The following COPS3 variants were observed in gnomAD, a reference collection of about 807,000 sequenced individuals.
The protein encoded by COPS3 is COP9 signalosome complex subunit 3.
In COPS3, 10 loss-of-function variants were observed where a neutral mutation model predicts 58.2. The ratio of observed to expected loss-of-function variants is 0.17; its 90% CI spans 0.11 to 0.29. The LOEUF (loss-of-function observed/expected upper bound fraction) is 0.29, where lower values mean the gene tolerates loss of function less well. COPS3 is among the 10% of genes least tolerant of loss of function. The pLI is 1.00. For missense variants in COPS3, 333 were observed against 510.1 expected (o/e 0.65, Z 3.34); for synonymous variants, 187 against 181.7 (o/e 1.03, Z -0.24).
intron 2 of COPS3, among the ~76,000 whole-genome samples, chr17:17,275,638 A>G (rs1011014796): frequency 1.3e-5 from 2 of 152,232 alleles, no homozygotes; most frequent in African/African-American, 4.8e-5. Context: ...CAAAAAATAA[A>G]TAAATAAATA....
At chr17:17,279,254 T>C (rs1389008817) in intron 1 of COPS3, among the ~76,000 whole-genome samples, 3 of 152,200 alleles carry the variant, frequency 2.0e-5, no homozygotes, top group Admixed American at 2.0e-4. Context: ...TATCTCTGTC[T>C]AGCAGACTGT....
chr17:17,281,116 C>T lies in COPS3; in HGVS notation c.55+16G>A, dbSNP rs759718484. The T allele has an allele frequency of 1.2e-6, 2 of 1,605,008 alleles. No homozygotes were observed. Among genetic ancestry groups the T allele is most frequent in the South Asian group, 1.1e-5 (1 of 89,418 alleles). ...CGGTACCCGCCCATGCCCAGCCCGG[C>T]GGCCTAGGGCGTTACCTTGAGCTGA... On this transcript the variant is annotated intron_variant, in intron 1 of 11. Transcript: ENST00000268717.
chr17:17,280,679 A>C, intron 1 of COPS3: 1 of 1,304,582 alleles, frequency 7.7e-7, no homozygotes, highest in Non-Finnish European at 1.0e-6. Flanking sequence ...CCATAGAGCC[A>C]AGACACCCAG....
rs911895706 is a variant in COPS3 at position 17,278,129 on chromosome 17, C to T, written c.56-1965G>A. On this transcript the variant is annotated intron_variant, in intron 1 of 11. Transcript: ENST00000268717. ...TTGCGCCACTGTACTCCAGCCTGGG[C>T]AACAGAGCAAGACTCCGTTTCGGGG... 4.5e-4 allele frequency among the ~76,000 whole-genome samples: 69 copies of T among 151,876 alleles called. 2 individuals carry two copies. The highest frequency in any genetic ancestry group is 2.9e-5 in the Non-Finnish European group (2 of 67,996).
At chr17:17,247,458 G>C in intron 11 of COPS3, 22 bp downstream of exon 11, 1 of 1,610,552 alleles carries the variant, frequency 6.2e-7, no homozygotes, top group South Asian at 1.1e-5. Context: ...CCTACTTCTT[G>C]TAATAAGGGA....
intron 2 of COPS3, among the ~76,000 whole-genome samples, chr17:17,275,611 T>C (rs1490094225): frequency 6.6e-6 from 1 of 152,192 alleles, no homozygotes; most frequent in Non-Finnish European, 1.5e-5. Flanking sequence ...TTATTTACAA[T>C]GGTTTACTTT....
intron 1 of COPS3, among the ~76,000 whole-genome samples, chr17:17,279,125 C>T (rs758587470): frequency 5.0e-4 from 76 of 152,234 alleles, no homozygotes; most frequent in Non-Finnish European, 9.4e-4. Context: ...CCGCCCGCCT[C>T]GGCCTCCCAA....
Position 17,264,879 on chromosome 17 carries a change from A to G in COPS3, c.544T>C (p.Leu182=), listed in dbSNP as rs142155714. The G allele has an allele frequency of 1.2e-6, 2 of 1,613,620 alleles. No individual in the cohort carries two copies. The highest frequency in any genetic ancestry group is 1.7e-6 in the Non-Finnish European group (2 of 1,179,684). The change falls in exon 6 of 12, where the codon TTA becomes CTA. Residue 182 remains leucine (L), a synonymous_variant. Transcript: ENST00000268717. ...ENGAYDAKHF[L]CYYYYGGMIY... ...ATCCCTCCATAATAATAGTAACATA[A>G]AAAGTGTTTTGCATCATAGGCTCCA...
rs545985775 is a variant in COPS3, at chr17:17,276,269, G to A, written c.56-105C>T. 6.6e-4 allele frequency: 958 copies of A among 1,450,334 alleles called. 1 individual carries two copies. Among genetic ancestry groups the A allele is most frequent in the Non-Finnish European group, 8.4e-4 (883 of 1,055,094 alleles). 89.8% of individuals were successfully genotyped at this position (1,450,334 alleles called of 1,614,324 possible). ...TTCAGAGCCTGAAGTTCCCAAAATT[G>A]ATTCTTAATCTCCTTCACTTCGGAT... On this transcript the variant is annotated intron_variant, in intron 1 of 11. Transcript: ENST00000268717.
intron 10 of COPS3, among the ~76,000 whole-genome samples, chr17:17,248,675 G>C (rs1280154555): frequency 6.6e-6 from 1 of 152,038 alleles, no homozygotes; most frequent in Non-Finnish European, 1.5e-5. Context: ...TGCTTTTCTT[G>C]AGACAGAGTC....
At chr17:17,248,759 A>G (rs894709936) in intron 10 of COPS3, among the ~76,000 whole-genome samples, 167 bp downstream of exon 10, 1 of 152,190 alleles carries the variant, frequency 6.6e-6, no homozygotes, top group African/African-American at 2.4e-5. Flanking sequence ...GGTTCAAGCA[A>G]TTCTCCTTAA....
intron 1 of COPS3, among the ~76,000 whole-genome samples, chr17:17,277,545 G>A (rs148208526): frequency 0.032 from 4,814 of 151,728 alleles, 112 homozygotes; most frequent in African/African-American, 0.064. Flanking sequence ...AGCCTCCCGA[G>A]TAGCTGGAAC....
chr17:17,247,214 C>T, intron 11 of COPS3, 63 bp from the exon 12 acceptor site: 1 of 1,477,172 alleles, frequency 6.8e-7, no homozygotes, highest in African/African-American at 1.4e-5. Flanking sequence ...CCCGGCAGCC[C>T]AATAAGCACA....
At chr17:17,256,204 G>A (rs1480577274) in intron 8 of COPS3, among the ~76,000 whole-genome samples, 1 of 151,628 alleles carries the variant, frequency 6.6e-6, no homozygotes, top group Non-Finnish European at 1.5e-5. Context: ...AATAAAAACT[G>A]ATGAACCCAG....
At chr17:17,254,305 C>CA (rs138830479) in intron 9 of COPS3, among the ~76,000 whole-genome samples, 8,013 of 89,766 alleles carry the variant, frequency 0.089, 475 homozygotes, top group African/African-American at 0.21. Flanking sequence ...GAAGCCATCT[C>CA]AAAAAAAAAA....
At chr17:17,249,145 T>C in intron 9 of COPS3, 106 bp from the exon 10 acceptor site, 2 of 631,460 alleles carry the variant, frequency 3.2e-6, no homozygotes, top group South Asian at 4.2e-5. Context: ...AACATGGATA[T>C]AAATAAACTT....
chr17:17,247,218 A>G, intron 11 of COPS3, 67 bp from the exon 12 acceptor site: 1 of 1,460,982 alleles, frequency 6.8e-7, no homozygotes, highest in Non-Finnish European at 9.6e-7. Flanking sequence ...GCAGCCCAAT[A>G]AGCACACCAG....
chr17:17,247,896 A>G (rs1219518579), intron 10 of COPS3: 13 of 200,152 alleles, frequency 6.5e-5, no homozygotes, highest in Non-Finnish European at 1.0e-4. Flanking sequence ...ACAAAAAAAC[A>G]TAGTTTTCTG....
chr17:17,265,600 C>A (rs980711181), intron 5 of COPS3, among the ~76,000 whole-genome samples: 1 of 152,028 alleles, frequency 6.6e-6, no homozygotes, highest in African/African-American at 2.4e-5. Flanking sequence ...GGTTTCACCA[C>A]ATTAGCCAGG....
Sources: allele counts gnomAD v4.1 joint callset (sites outside exome capture counted in the v4.1 genomes callset), GRCh38; gene constraint gnomAD v4.1.1; transcripts MANE v1.5; gene names NCBI Gene and HGNC (gene_info 2026-07-23, HGNC 2026-07-21).